The following NUP50 variants were observed in gnomAD, a reference collection of about 807,000 sequenced individuals.
NUP50 encodes nuclear pore complex protein Nup50.
A neutral mutation model predicts 36.8 loss-of-function variants in NUP50; 14 were observed. That is an observed-to-expected ratio of 0.38 (90% confidence interval 0.25 to 0.59). The LOEUF (loss-of-function observed/expected upper bound fraction) is 0.59. NUP50 is among the 20% of genes least tolerant of loss of function. NUP50 has a pLI of 0.63. For missense variants in NUP50, 455 were observed against 564.6 expected, an observed-to-expected ratio of 0.81 and a Z score of 1.97; for synonymous variants, 195 against 210.8, an observed-to-expected ratio of 0.93 and a Z score of 0.65.
At chr22:45,175,397 G>A (rs547806381) in intron 3 of NUP50, among the ~76,000 whole-genome samples, 68 of 152,318 alleles carry the variant, frequency 4.5e-4, no homozygotes, top group Non-Finnish European at 7.6e-4. Flanking sequence ...GATCATCTAA[G>A]TTTTTGTAGG....
At chr22:45,180,024 C>T (rs1025971991) in intron 5 of NUP50, among the ~76,000 whole-genome samples, 2 of 152,250 alleles carry the variant, frequency 1.3e-5, no homozygotes, top group East Asian at 1.9e-4. Flanking sequence ...GCCCTGCTTT[C>T]AAGTATATCC....
At position 45,178,847 on chromosome 22, in the gene NUP50, T is replaced by A. The variant is rs1348849093; in HGVS notation, c.950T>A (p.Phe317Tyr). Reference sequence around the variant, plus strand: ...CAGAGTAAACCAGTCTCTTCACCATTTCCCACTAAACCATTGGAGGGCCAA... The same window carrying A: ...CAGAGTAAACCAGTCTCTTCACCATATCCCACTAAACCATTGGAGGGCCAA... ...TTQSKPVSSP[F>Y]PTKPLEGQAE... Residue 317 changes from phenylalanine (F) to tyrosine (Y), a missense_variant, in exon 5 of 8, where the codon TTT becomes TAT. This residue lies in a region of NUP50 where 287 missense variants were observed against 345.5 expected (regional missense o/e 0.83). Transcript: ENST00000347635. 1 of 1,613,732 alleles carries A rather than the reference T, an allele frequency of 6.2e-7. No individual in the cohort carries two copies. The highest frequency in any genetic ancestry group is 8.5e-7 in the Non-Finnish European group (1 of 1,179,828).
intron 1 of NUP50, among the ~76,000 whole-genome samples, chr22:45,165,331 G>C (rs2074078539): frequency 6.6e-6 from 1 of 152,180 alleles, no homozygotes; most frequent in Non-Finnish European, 1.5e-5. Context: ...AAGCTCCTGG[G>C]CTCAAGTGAT....
intron 1 of NUP50, among the ~76,000 whole-genome samples, chr22:45,167,113 G>C (rs973056113): frequency 2.0e-5 from 3 of 152,192 alleles, no homozygotes; most frequent in African/African-American, 7.2e-5. Flanking sequence ...CAATACACCA[G>C]AATAAGGAAG....
intron 6 of NUP50, among the ~76,000 whole-genome samples, chr22:45,182,710 C>T (rs1243222304): frequency 2.3e-4 from 34 of 145,602 alleles, no homozygotes; most frequent in Non-Finnish European, 4.2e-4. Context: ...CTGCAAGCTC[C>T]GCCTCCCAGG....
At chr22:45,181,159 G>C (rs1205629251) in intron 5 of NUP50, 127 bp from the exon 6 acceptor site, 2 of 196,612 alleles carry the variant, frequency 1.0e-5, no homozygotes, top group South Asian at 8.2e-5. Flanking sequence ...CATTAAGTGT[G>C]CATTTTAGTC....
At chr22:45,171,256 G>A (rs1167944165) in intron 2 of NUP50, 1 of 954,062 alleles carries the variant, frequency 1.0e-6, no homozygotes, top group African/African-American at 1.7e-5. Context: ...GAGTGCAGTG[G>A]TGCTATCTCG....
chr22:45,169,192 G>A (rs750398587), intron 2 of NUP50, among the ~76,000 whole-genome samples: 3 of 152,098 alleles, frequency 2.0e-5, no homozygotes, highest in East Asian at 1.9e-4. Context: ...GAGAACCACC[G>A]CACCCAACCC....
Position 45,184,449 on chromosome 22 carries a change from G to A in NUP50, c.1205-4G>A, listed in dbSNP as rs372552165. On this transcript the variant is annotated splice_polypyrimidine_tract_variant and splice_region_variant and intron_variant, in intron 7 of 7. Transcript: ENST00000347635. ...TTTGATGGGTTTTGTTTGTTTGAAT[G>A]CAGGCAACATATTGCTGAACGTTCT... 117 of 1,613,748 alleles carry A rather than the reference G, an allele frequency of 7.3e-5. No homozygotes were observed. The highest frequency in any genetic ancestry group is 3.3e-4 in the Middle Eastern group (2 of 6,056).
chr22:45,179,186 A>G (rs1661263436), intron 5 of NUP50: 1 of 301,326 alleles, frequency 3.3e-6, no homozygotes, highest in Non-Finnish European at 6.1e-6. Context: ...ATAAAAAACA[A>G]GTGAATTAAA....
intron 6 of NUP50, 113 bp downstream of exon 6, chr22:45,181,480 T>G (rs1006880120): frequency 3.1e-5 from 17 of 548,550 alleles, no homozygotes; most frequent in Non-Finnish European, 4.7e-5. Context: ...GGGGTCAAGC[T>G]TTGCCTGCTC....
At chr22:45,175,780 G>T in intron 3 of NUP50, 114 bp from the exon 4 acceptor site, 2 of 871,860 alleles carry the variant, frequency 2.3e-6, no homozygotes, top group Non-Finnish European at 3.5e-6. Context: ...GCCTTATAAC[G>T]CTGACTGCAT....
intron 4 of NUP50, chr22:45,177,975 A>C (rs1424520878): frequency 2.5e-6 from 1 of 405,626 alleles, no homozygotes; most frequent in Admixed American, 4.1e-5. Flanking sequence ...AAAATACAAA[A>C]ATTAGCCGGG....
At chr22:45,165,994 C>G (rs549893305) in intron 1 of NUP50, 2 of 152,298 alleles carry the variant, frequency 1.3e-5, no homozygotes, top group Non-Finnish European at 2.9e-5. Context: ...GGAAATACTT[C>G]CCCAGCTCAC....
rs1351951340 is a variant in NUP50 at position 45,171,015 on chromosome 22, C to T, written c.70-585C>T. The T allele has an allele frequency of 7.7e-6, 10 of 1,303,822 alleles. No individual in the cohort carries two copies. The Middle Eastern group carries it at 6.4e-4, about 83-fold the overall frequency. 80.8% of individuals were successfully genotyped at this position (1,303,822 alleles called of 1,614,324 possible). Reference sequence around the variant, plus strand: ...TAAAAGAAGGGCTATAAACTAAAGCCGAAGATATTCAGCAGCTTTCTGACG... The same window carrying T: ...TAAAAGAAGGGCTATAAACTAAAGCTGAAGATATTCAGCAGCTTTCTGACG... On this transcript the variant is annotated intron_variant, in intron 2 of 7. Coordinates refer to ENST00000347635, the MANE Select transcript of NUP50 (RefSeq NM_007172.4).
chr22:45,179,087 CT>C, intron 5 of NUP50, 187 bp downstream of exon 5: 3 of 540,502 alleles, frequency 5.6e-6, no homozygotes, highest in Non-Finnish European at 9.5e-6. Context: ...AAGAGTAAGA[CT>C]TTTGTAGGGT....
rs773541780 is a variant in NUP50 at position 45,181,339 on chromosome 22, AAAG to A, written c.1065_1067del (p.Glu355del). The A allele has an allele frequency of 7.9e-5, 125 of 1,590,558 alleles. No homozygotes were observed. The highest frequency in any genetic ancestry group is 9.3e-5 in the East Asian group (4 of 43,192). On this transcript the variant is annotated inframe_deletion, in exon 6 of 8. Transcript: ENST00000347635. ...ACCCAAAGTAGTAGTTACCGAAGTA[AAAG>A]AAGAAGATGCTTTTTACTCCAAAAA...
intron 1 of NUP50, among the ~76,000 whole-genome samples, chr22:45,165,493 G>A (rs1264120814): frequency 1.3e-5 from 2 of 152,142 alleles, no homozygotes; most frequent in African/African-American, 4.8e-5. Flanking sequence ...AGATCCTTCC[G>A]CCTCCCTTAA....
chr22:45,170,233 T>A (rs546033074), intron 2 of NUP50, among the ~76,000 whole-genome samples: 2 of 152,078 alleles, frequency 1.3e-5, no homozygotes, highest in African/African-American at 4.8e-5. Context: ...CCACTGCCGG[T>A]CTCCGTGTCT....
Sources: allele counts gnomAD v4.1 joint callset (sites outside exome capture counted in the v4.1 genomes callset), GRCh38; gene constraint gnomAD v4.1.1; regional missense constraint gnomAD v4.1.1; transcripts MANE v1.5; gene names NCBI Gene and HGNC (gene_info 2026-07-23, HGNC 2026-07-21).